Variants in SPAG16 observed in about 807,000 individuals in gnomAD.
SPAG16 encodes sperm associated antigen 16.
Under a neutral mutation model 80.4 loss-of-function variants are expected in SPAG16, and 86 were observed. That is an observed-to-expected ratio of 1.07 (90% CI 0.90 to 1.28). The LOEUF is 1.28. Ranked by LOEUF, SPAG16 falls within the 50% of genes most tolerant of loss-of-function variation. The pLI, the probability that SPAG16 is intolerant of heterozygous loss-of-function variation, is 0.00. For synonymous variants in SPAG16, 294 were observed against 265.9 expected (o/e 1.11, Z -1.03); for missense variants, 870 against 765.3 (o/e 1.14, Z -1.61).
At chr2:213,798,983 A>T (rs1357085723) in intron 10 of SPAG16, among the ~76,000 whole-genome samples, 3 of 152,128 alleles carry the variant, frequency 2.0e-5, no homozygotes, top group African/African-American at 7.2e-5. Flanking sequence ...TAGGTTTGTA[A>T]TAAGTTTTGA....
intron 12 of SPAG16, among the ~76,000 whole-genome samples, chr2:213,989,750 G>T (rs2046189286): frequency 6.6e-6 from 1 of 152,058 alleles, no homozygotes; most frequent in East Asian, 1.9e-4. Context: ...TCAAATCGAT[G>T]TCAGACATTT....
At chr2:213,839,935 GA>G (rs1482314362) in intron 10 of SPAG16, among the ~76,000 whole-genome samples, 1 of 152,098 alleles carries the variant, frequency 6.6e-6, no homozygotes, top group Non-Finnish European at 1.5e-5. Context: ...ACGAAAAGAA[GA>G]AACATTAAAA....
intron 14 of SPAG16, among the ~76,000 whole-genome samples, chr2:214,134,644 C>A (rs1003080066): frequency 1.3e-5 from 2 of 152,128 alleles, no homozygotes; most frequent in African/African-American, 4.8e-5. Context: ...TTACTTATAA[C>A]AAACTTGAGT....
chr2:214,000,318 T>C (rs928878082), intron 12 of SPAG16, among the ~76,000 whole-genome samples: 2 of 152,158 alleles, frequency 1.3e-5, no homozygotes, highest in African/African-American at 4.8e-5. Flanking sequence ...GGGTTTCCGC[T>C]TTTGCATCAT....
Position 214,332,116 on chromosome 2 carries a change from G to A in SPAG16, c.1721-78024G>A, listed in dbSNP as rs528147918. On this transcript the variant is annotated intron_variant, in intron 15 of 15. Coordinates refer to ENST00000331683, the MANE Select transcript of SPAG16 (RefSeq NM_024532.5). ...AAAATACAAAAATTAACTGGGCATG[G>A]TGGCATGCTCCTGTGAGCCCAGCTA... Among the ~76,000 whole-genome samples, 69 of 152,240 alleles carry A rather than the reference G, an allele frequency of 4.5e-4. 1 individual carries two copies. The highest frequency in any genetic ancestry group is 1.5e-3 in the African/African-American group (61 of 41,544).
chr2:214,358,593 C>A (rs1044615049), intron 15 of SPAG16, among the ~76,000 whole-genome samples: 2 of 151,576 alleles, frequency 1.3e-5, no homozygotes, highest in African/African-American at 4.8e-5. Flanking sequence ...CCTAATCACT[C>A]TTCTTTCTGC....
intron 13 of SPAG16, among the ~76,000 whole-genome samples, chr2:214,059,248 A>ATG (rs1559745607): frequency 2.8e-5 from 3 of 108,224 alleles, no homozygotes; most frequent in East Asian, 4.4e-4. Context: ...ATATGTATGT[A>ATG]TATATATGTA....
At chr2:213,867,291 A>G (rs144454987) in intron 11 of SPAG16, among the ~76,000 whole-genome samples, 93 of 152,354 alleles carry the variant, frequency 6.1e-4, no homozygotes, top group Admixed American at 1.3e-3. Flanking sequence ...TGAAAATGGT[A>G]AATGAATGGA....
chr2:214,173,292 A>C (rs2056947900), intron 15 of SPAG16, among the ~76,000 whole-genome samples: 1 of 152,010 alleles, frequency 6.6e-6, no homozygotes, highest in African/African-American at 2.4e-5. Context: ...TGAGGAAGGG[A>C]TCCAGTTTCA....
intron 9 of SPAG16, among the ~76,000 whole-genome samples, chr2:213,380,842 A>G (rs953030478): frequency 1.3e-5 from 2 of 152,142 alleles, no homozygotes; most frequent in African/African-American, 4.8e-5. Flanking sequence ...CCTGTTTCAG[A>G]GCGTTCTCCT....
chr2:213,317,815 G>C (rs937746877), intron 5 of SPAG16: 1 of 811,874 alleles, frequency 1.2e-6, no homozygotes, highest in East Asian at 1.2e-4. Flanking sequence ...ATGTAGGTTC[G>C]TCAGTTGTTA....
chr2:214,236,741 A>T (rs1316636520), intron 15 of SPAG16, among the ~76,000 whole-genome samples: 1 of 152,166 alleles, frequency 6.6e-6, no homozygotes, highest in African/African-American at 2.4e-5. Context: ...TAGCAATCAT[A>T]TATAGGGATT....
intron 10 of SPAG16, among the ~76,000 whole-genome samples, chr2:213,726,701 G>A (rs971009323): frequency 2.0e-5 from 3 of 152,194 alleles, no homozygotes; most frequent in African/African-American, 7.2e-5. Context: ...TGTGTCAAAA[G>A]TAAGTGTCTA....
intron 14 of SPAG16, among the ~76,000 whole-genome samples, chr2:214,139,781 T>A (rs1576327188): frequency 6.6e-6 from 1 of 152,202 alleles, no homozygotes; most frequent in East Asian, 1.9e-4. Context: ...TGAGGCCTGT[T>A]TGAAGCCCAG....
chr2:214,370,398 A>G (rs1699735000), intron 15 of SPAG16, among the ~76,000 whole-genome samples: 2 of 152,304 alleles, frequency 1.3e-5, no homozygotes, highest in South Asian at 2.1e-4. Context: ...TTAAAACAGC[A>G]GTGCTCACCA....
chr2:213,637,326 G>T (rs373702186), intron 10 of SPAG16, among the ~76,000 whole-genome samples: 119 of 152,208 alleles, frequency 7.8e-4, no homozygotes, highest in African/African-American at 2.7e-3. Context: ...TTGATATGCT[G>T]TTAGATTCAG....
At chr2:214,381,622 C>G (rs935427505) in intron 15 of SPAG16, among the ~76,000 whole-genome samples, 3 of 152,174 alleles carry the variant, frequency 2.0e-5, no homozygotes, top group Non-Finnish European at 4.4e-5. Context: ...CTGAGTGCAG[C>G]TGGATTCTAT....
chr2:213,627,087 G>C (rs10932489), intron 10 of SPAG16, among the ~76,000 whole-genome samples: 1 of 152,156 alleles, frequency 6.6e-6, no homozygotes, highest in African/African-American at 2.4e-5. Flanking sequence ...TATGTACCAT[G>C]CACCATCTGT....
chr2:213,407,142 G>A (rs775060587), intron 9 of SPAG16, among the ~76,000 whole-genome samples: 5 of 152,140 alleles, frequency 3.3e-5, no homozygotes, highest in East Asian at 1.9e-4. Flanking sequence ...AGTGTTGTTC[G>A]TGTGGATGGT....
Sources: gnomAD v4.1 joint callset for allele counts (sites outside exome capture counted in the v4.1 genomes callset) on GRCh38, gnomAD v4.1.1 for gene constraint, MANE v1.5 for transcripts, NCBI Gene and HGNC (gene_info 2026-07-23, HGNC 2026-07-21) for gene names.